SFT2D2: variants seen among roughly 807,000 people sequenced by gnomAD.
SFT2D2 encodes the protein SFT2 domain containing 2, also known as vesicle transport protein SFT2B.
In SFT2D2, 21 loss-of-function variants were observed where a neutral mutation model predicts 27.4. The observed-to-expected ratio is 0.77, with a 90% confidence interval of 0.54 to 1.10. The LOEUF (loss-of-function observed/expected upper bound fraction) is 1.10, where lower values mean the gene tolerates loss of function less well. SFT2D2 is among the 50% of genes least tolerant of loss of function. SFT2D2 has a pLI of 0.00. For synonymous variants in SFT2D2, 72 were observed against 71.7 expected, an observed-to-expected ratio of 1.00 and a Z score of -0.02; for missense variants, 187 against 194.2, an observed-to-expected ratio of 0.96 and a Z score of 0.22.
chr1:168,235,800 A>AT (rs577196485), intron 4 of SFT2D2, among the ~76,000 whole-genome samples: 1 of 152,110 alleles, frequency 6.6e-6, no homozygotes, highest in Non-Finnish European at 1.5e-5. Context: ...CCAGACCTAC[A>AT]TTCTCTGGAC....
At chr1:168,238,705 A>T (rs12738567) in intron 6 of SFT2D2, among the ~76,000 whole-genome samples, 13,448 of 152,038 alleles carry the variant, frequency 0.088, 784 homozygotes, top group Middle Eastern at 0.19. Flanking sequence ...CTCAAAAAAA[A>T]AAATAAATAA....
In SFT2D2 at chr1:168,250,534, T is replaced by C. The variant is rs1647926896; in HGVS notation, c.*7994T>C. The C allele has an allele frequency of 6.6e-6, 1 of 152,300 alleles. No individual in the cohort carries two copies. Among genetic ancestry groups the C allele is most frequent in the Non-Finnish European group, 1.5e-5 (1 of 68,126 alleles). The allele number at this position is 152,300 out of a possible 1,614,324, so 9.4% of individuals were successfully genotyped here. A position where few individuals can be genotyped will look rare whatever the true frequency, so the allele number is the denominator to read the frequency against. On this transcript the variant is annotated 3_prime_UTR_variant, in exon 8 of 8. Coordinates refer to ENST00000271375, the MANE Select transcript of SFT2D2 (RefSeq NM_199344.3). ...GGAATATGGTGCTCAGCCAGCCATATGGAAGCACTGTCCTGGCGTGATCTG... is the reference window on the plus strand; with the variant it reads ...GGAATATGGTGCTCAGCCAGCCATACGGAAGCACTGTCCTGGCGTGATCTG...
chr1:168,247,347 C>T lies in SFT2D2; in HGVS notation c.*4807C>T, dbSNP rs528853260. On this transcript the variant is annotated 3_prime_UTR_variant, in exon 8 of 8. Coordinates refer to ENST00000271375, the MANE Select transcript of SFT2D2 (RefSeq NM_199344.3). ...CTAGCCCCCACCCCCGGACAGGCCCCGGTATGTGATGTTCCCCTCCCTTTT... is the reference window on the plus strand; with the variant it reads ...CTAGCCCCCACCCCCGGACAGGCCCTGGTATGTGATGTTCCCCTCCCTTTT... 9 of 180,508 alleles carry T rather than the reference C, an allele frequency of 5.0e-5. No homozygotes were observed. Among genetic ancestry groups the T allele is most frequent in the South Asian group, 1.2e-4 (1 of 8,592 alleles). 11.2% of individuals were successfully genotyped at this position (180,508 alleles called of 1,614,324 possible). A position where few individuals can be genotyped will look rare whatever the true frequency, so the allele number is the denominator to read the frequency against.
In SFT2D2 at chr1:168,227,544, T is replaced by G. The variant is rs567496182; in HGVS notation, c.63+1402T>G. On this transcript the variant is annotated intron_variant, in intron 1 of 7. Coordinates refer to ENST00000271375, the MANE Select transcript of SFT2D2 (RefSeq NM_199344.3). The stretch of plus-strand genomic sequence containing the variant: ...ATGTTGGAGTCACTGAAATTTAACT[T>G]TTTGATATTTCAAAACAAGTTGGTG... 3.5e-3 allele frequency among the ~76,000 whole-genome samples: 536 copies of G among 152,360 alleles called. 3 individuals carry two copies. Among genetic ancestry groups the G allele is most frequent in the Middle Eastern group, 6.8e-3 (2 of 294 alleles).
In SFT2D2 at chr1:168,246,643, C is replaced by T; in HGVS notation, c.*4103C>T. 1 of 1,383,968 alleles carries T rather than the reference C, an allele frequency of 7.2e-7. No individual in the cohort carries two copies. The highest frequency in any genetic ancestry group is 2.5e-5 in the East Asian group (1 of 40,302). 85.7% of individuals were successfully genotyped at this position (1,383,968 alleles called of 1,614,324 possible). On this transcript the variant is annotated 3_prime_UTR_variant, in exon 8 of 8. Coordinates refer to ENST00000271375, the MANE Select transcript of SFT2D2 (RefSeq NM_199344.3). Reference sequence around the variant, plus strand: ...GCCCTGGAAATCAAGCTCTTGGTCTCTTTCTGTTGAGTGACTTTGATCATG... The same window carrying T: ...GCCCTGGAAATCAAGCTCTTGGTCTTTTTCTGTTGAGTGACTTTGATCATG...
chr1:168,234,010 G>A (rs1647406998), intron 3 of SFT2D2, among the ~76,000 whole-genome samples: 1 of 152,216 alleles, frequency 6.6e-6, no homozygotes, highest in African/African-American at 2.4e-5. Context: ...TTGGCCGGGT[G>A]TGGTGGCTCA....
chr1:168,239,108 CTTTGT>C lies in SFT2D2; in HGVS notation c.414-14_414-10del, dbSNP rs948976356. 2.5e-6 allele frequency: 4 copies of C among 1,590,148 alleles called. No homozygotes were observed. In the African/African-American group the frequency reaches 4.0e-5, roughly 16 times the overall value. On this transcript the variant is annotated intron_variant, in intron 6 of 7. Coordinates refer to ENST00000271375, the MANE Select transcript of SFT2D2 (RefSeq NM_199344.3). ...GCTACTCCCTTCATCTCATTTGACCCTTTGTTTTGTTTTTCATTATAGGTACAGCC... is the reference window on the plus strand; with the variant it reads ...GCTACTCCCTTCATCTCATTTGACCCTTTGTTTTTCATTATAGGTACAGCC...
In SFT2D2 at chr1:168,242,487, C is replaced by T; in HGVS notation, c.444-14C>T. On this transcript the variant is annotated splice_polypyrimidine_tract_variant and intron_variant, in intron 7 of 7. Coordinates refer to ENST00000271375, the MANE Select transcript of SFT2D2 (RefSeq NM_199344.3). ...GATGACGTTCCACTCATCTTTGTGT[C>T]TTTTCTTTCCTAGGGATGCTGTGAA... 2 of 1,613,798 alleles carry T rather than the reference C, an allele frequency of 1.2e-6. No individual in the cohort carries two copies. The highest frequency in any genetic ancestry group is 8.5e-7 in the Non-Finnish European group (1 of 1,179,972).
At chr1:168,226,662 T>G (rs1700462382) in intron 1 of SFT2D2, among the ~76,000 whole-genome samples, 1 of 152,228 alleles carries the variant, frequency 6.6e-6, no homozygotes, top group South Asian at 2.1e-4. Flanking sequence ...CACCCGCCCC[T>G]GTACACATTG....
intron 1 of SFT2D2, among the ~76,000 whole-genome samples, chr1:168,230,027 A>G (rs1321138459): frequency 6.6e-6 from 1 of 152,182 alleles, no homozygotes; most frequent in African/African-American, 2.4e-5. Flanking sequence ...GCCCAGTTCC[A>G]TATATATGAA....
chr1:168,242,142 C>T (rs1312840084), intron 7 of SFT2D2, among the ~76,000 whole-genome samples: 1 of 152,226 alleles, frequency 6.6e-6, no homozygotes, highest in Non-Finnish European at 1.5e-5. Flanking sequence ...TGATTTAATG[C>T]TGTCAGTGCA....
At position 168,246,629 on chromosome 1, in the gene SFT2D2, C is replaced by T; in HGVS notation, c.*4089C>T. ...AATTTATCTACTGTGCCCTGGAAAT[C>T]AAGCTCTTGGTCTCTTTCTGTTGAG... On this transcript the variant is annotated 3_prime_UTR_variant, in exon 8 of 8. Transcript: ENST00000271375. 1 of 1,431,896 alleles carries T rather than the reference C, an allele frequency of 7.0e-7. No individual in the cohort carries two copies. The highest frequency in any genetic ancestry group is 9.7e-7 in the Non-Finnish European group (1 of 1,033,538). 88.7% of individuals were successfully genotyped at this position (1,431,896 alleles called of 1,614,324 possible).
At position 168,231,916 on chromosome 1, in the gene SFT2D2, G is replaced by A; in HGVS notation, c.233G>A (p.Gly78Glu). 6.8e-6 allele frequency: 11 copies of A among 1,614,000 alleles called. No individual in the cohort carries two copies. The highest frequency in any genetic ancestry group is 9.3e-6 in the Non-Finnish European group (11 of 1,179,918). Residue 78 changes from glycine (G) to glutamate (E), a missense_variant, in exon 3 of 8, where the codon GGG (glycine) becomes GAG (glutamate). By Grantham distance (98) the Gly-to-Glu change is moderately conservative. Transcript: ENST00000271375. ...FYTFGNIASIGSTIFLMGPVK... is the reference protein window; with the variant it reads ...FYTFGNIASIESTIFLMGPVK... ...ACCTTTGGTAATATCGCATCAATTGGGAGGTAACTGTTTTTTAAAAATCCA... is the reference window on the plus strand; with the variant it reads ...ACCTTTGGTAATATCGCATCAATTGAGAGGTAACTGTTTTTTAAAAATCCA...
At chr1:168,241,166 T>C (rs1451281339) in intron 7 of SFT2D2, among the ~76,000 whole-genome samples, 8 of 150,564 alleles carry the variant, frequency 5.3e-5, no homozygotes. Context: ...ACTCCTCTAG[T>C]AGGGAGGGAA....
rs796099722 is a variant in SFT2D2, at chr1:168,247,332, C to T, written c.*4792C>T. 1 of 186,368 alleles carries T rather than the reference C, an allele frequency of 5.4e-6. No individual in the cohort carries two copies. Among genetic ancestry groups the T allele is most frequent in the South Asian group, 1.1e-4 (1 of 9,466 alleles). 11.5% of individuals were successfully genotyped at this position (186,368 alleles called of 1,614,324 possible). A position where few individuals can be genotyped will look rare whatever the true frequency, so the allele number is the denominator to read the frequency against. ...AATGTTATCCCTCCCCTAGCCCCCACCCCCGGACAGGCCCCGGTATGTGAT... is the reference window on the plus strand; with the variant it reads ...AATGTTATCCCTCCCCTAGCCCCCATCCCCGGACAGGCCCCGGTATGTGAT... On this transcript the variant is annotated 3_prime_UTR_variant, in exon 8 of 8. Transcript: ENST00000271375.
Position 168,247,047 on chromosome 1 carries a change from C to A in SFT2D2, c.*4507C>A. ...AAACTGCAGAGTTCTTGTTCCCATT[C>A]AAGTTTTTGATATTCTGTGATATTT... On this transcript the variant is annotated 3_prime_UTR_variant, in exon 8 of 8. Coordinates refer to ENST00000271375, the MANE Select transcript of SFT2D2 (RefSeq NM_199344.3). 2.3e-6 allele frequency: 1 copy of A among 436,998 alleles called. No individual in the cohort carries two copies. Among genetic ancestry groups the A allele is most frequent in the Non-Finnish European group, 4.5e-6 (1 of 221,860 alleles). 27.1% of individuals were successfully genotyped at this position (436,998 alleles called of 1,614,324 possible).
Position 168,249,947 on chromosome 1 carries a change from C to T in SFT2D2, c.*7407C>T, listed in dbSNP as rs928447614. 3.9e-5 allele frequency: 6 copies of T among 152,122 alleles called. No individual in the cohort carries two copies. The highest frequency in any genetic ancestry group is 6.6e-5 in the Admixed American group (1 of 15,260). 9.4% of individuals were successfully genotyped at this position (152,122 alleles called of 1,614,324 possible). ...AAATACTTATCTAGTACTATGTGCC[C>T]GGCGCTGTAGACACTGCCATGTTTT... On this transcript the variant is annotated 3_prime_UTR_variant, in exon 8 of 8. Coordinates refer to ENST00000271375, the MANE Select transcript of SFT2D2 (RefSeq NM_199344.3).
At chr1:168,237,910 T>G (rs535313525) in intron 6 of SFT2D2, among the ~76,000 whole-genome samples, 2 of 151,986 alleles carry the variant, frequency 1.3e-5, no homozygotes, top group East Asian at 3.9e-4. Flanking sequence ...AGACTGTTTA[T>G]ATTTTGATTT....
At chr1:168,226,592 C>A (rs1700461496) in intron 1 of SFT2D2, among the ~76,000 whole-genome samples, 1 of 152,158 alleles carries the variant, frequency 6.6e-6, no homozygotes. Context: ...GGGCTGGTGG[C>A]CGCGCCCCGA....
Sources: allele counts gnomAD v4.1 joint callset (sites outside exome capture counted in the v4.1 genomes callset), GRCh38; gene constraint gnomAD v4.1.1; transcripts MANE v1.5; gene names NCBI Gene and HGNC (gene_info 2026-07-23, HGNC 2026-07-21).